NLGN1: variants seen among roughly 807,000 people sequenced by gnomAD.
NLGN1 encodes the protein neuroligin 1.
NLGN1 carries 12 observed loss-of-function variants against 65.5 expected under a neutral mutation model. The observed-to-expected ratio is 0.18, with a 90% CI of 0.12 to 0.30. The LOEUF (loss-of-function observed/expected upper bound fraction) is 0.30, where lower values mean the gene tolerates loss of function less well. NLGN1 is among the 10% of genes least tolerant of loss of function. NLGN1 has a pLI of 1.00. For missense variants in NLGN1, 750 were observed against 1,007.1 expected, an observed-to-expected ratio of 0.74 and a Z score of 3.46; for synonymous variants, 350 against 359.5, an observed-to-expected ratio of 0.97 and a Z score of 0.30.
intron 4 of NLGN1, among the ~76,000 whole-genome samples, chr3:174,031,487 G>T (rs1042411110): frequency 3.3e-5 from 5 of 152,154 alleles, no homozygotes; most frequent in African/African-American, 1.2e-4. Flanking sequence ...AAATAAGAAA[G>T]AGGCAAATTG....
chr3:173,921,808 A>G (rs1742072770), intron 4 of NLGN1, among the ~76,000 whole-genome samples: 1 of 152,134 alleles, frequency 6.6e-6, no homozygotes, highest in South Asian at 2.1e-4. Flanking sequence ...TGAAGAATTA[A>G]GTGGTGTTGA....
intron 4 of NLGN1, among the ~76,000 whole-genome samples, chr3:173,899,751 C>CT (rs1262845573): frequency 1.3e-5 from 2 of 152,068 alleles, no homozygotes; most frequent in Non-Finnish European, 2.9e-5. Flanking sequence ...ATTATATGGC[C>CT]TATGAAGCCT....
chr3:173,754,049 T>TTTTTTTTTTTTTTGTC (rs1776733785), intron 3 of NLGN1, among the ~76,000 whole-genome samples: 1 of 146,196 alleles, frequency 6.8e-6, no homozygotes, highest in Non-Finnish European at 1.5e-5. Context: ...TTTTTTTTTT[T>TTTTTTTTTTTTTTGTC]GTTGTTGTTG....
chr3:174,139,401 T>C (rs1265130831), intron 4 of NLGN1, among the ~76,000 whole-genome samples: 1 of 152,126 alleles, frequency 6.6e-6, no homozygotes, highest in Non-Finnish European at 1.5e-5. Context: ...TTTAACTTAG[T>C]GATATGCATT....
chr3:174,004,942 T>C (rs1724059331), intron 4 of NLGN1, among the ~76,000 whole-genome samples: 1 of 152,158 alleles, frequency 6.6e-6, no homozygotes, highest in Non-Finnish European at 1.5e-5. Flanking sequence ...TATATCTTTA[T>C]TACTTCTGCA....
At chr3:174,190,087 CTGTGCT>C (rs1732115050) in intron 4 of NLGN1, among the ~76,000 whole-genome samples, 1 of 152,020 alleles carries the variant, frequency 6.6e-6, no homozygotes. Context: ...CACTTGAGCA[CTGTGCT>C]ACAATTCAGT....
intron 4 of NLGN1, among the ~76,000 whole-genome samples, chr3:174,185,634 C>A (rs185428385): frequency 6.6e-6 from 1 of 151,822 alleles, no homozygotes; most frequent in Non-Finnish European, 1.5e-5. Flanking sequence ...ATGAATGAAT[C>A]TTAGTATATA....
intron 4 of NLGN1, among the ~76,000 whole-genome samples, chr3:174,112,537 T>C (rs1285786520): frequency 6.6e-6 from 1 of 151,964 alleles, no homozygotes; most frequent in Non-Finnish European, 1.5e-5. Context: ...TATTTGCTAA[T>C]ATCACTGTAT....
intron 4 of NLGN1, among the ~76,000 whole-genome samples, chr3:173,895,331 A>G (rs1736149716): frequency 6.6e-6 from 1 of 152,178 alleles, no homozygotes; most frequent in Non-Finnish European, 1.5e-5. Context: ...TCATGATTTT[A>G]TTACAAAGGC....
At chr3:173,840,201 A>G (rs990678646) in intron 4 of NLGN1, among the ~76,000 whole-genome samples, 3 of 152,208 alleles carry the variant, frequency 2.0e-5, no homozygotes, top group Non-Finnish European at 4.4e-5. Context: ...ATATACTATC[A>G]TTCAAGAAAA....
chr3:174,021,943 A>G (rs1727832058), intron 4 of NLGN1, among the ~76,000 whole-genome samples: 1 of 152,166 alleles, frequency 6.6e-6, no homozygotes, highest in East Asian at 1.9e-4. Flanking sequence ...GTCTGCAGTG[A>G]GACACAGAAG....
intron 4 of NLGN1, among the ~76,000 whole-genome samples, chr3:174,248,175 T>C (rs1481627271): frequency 6.6e-6 from 1 of 152,222 alleles, no homozygotes. Flanking sequence ...AGACCCCATT[T>C]TCACTTGGGA....
At chr3:173,771,462 G>A (rs1359165654) in intron 3 of NLGN1, among the ~76,000 whole-genome samples, 1 of 152,078 alleles carries the variant, frequency 6.6e-6, no homozygotes, top group Non-Finnish European at 1.5e-5. Context: ...AAATTTAGAG[G>A]AAGTAATTTT....
At chr3:173,553,815 C>T (rs980780994) in intron 2 of NLGN1, among the ~76,000 whole-genome samples, 4 of 152,140 alleles carry the variant, frequency 2.6e-5, no homozygotes, top group African/African-American at 9.7e-5. Context: ...CAGAAGGGCT[C>T]TTAGCTATTT....
At chr3:173,847,438 C>G (rs553652756) in intron 4 of NLGN1, among the ~76,000 whole-genome samples, 5 of 152,102 alleles carry the variant, frequency 3.3e-5, no homozygotes, top group Admixed American at 3.3e-4. Flanking sequence ...ATCAAGTGCT[C>G]AATTCTTCAG....
chr3:173,941,508 A>C (rs1746085857), intron 4 of NLGN1, among the ~76,000 whole-genome samples: 1 of 151,912 alleles, frequency 6.6e-6, no homozygotes, highest in South Asian at 2.1e-4. Flanking sequence ...AAACAAGGCA[A>C]TTGACTCAAA....
At chr3:173,757,059 T>C (rs1256305751) in intron 3 of NLGN1, among the ~76,000 whole-genome samples, 2 of 151,990 alleles carry the variant, frequency 1.3e-5, no homozygotes, top group Non-Finnish European at 2.9e-5. Flanking sequence ...AATAATTATC[T>C]AGAGGTGATG....
At chr3:174,170,544 G>T (rs1298170122) in intron 4 of NLGN1, among the ~76,000 whole-genome samples, 3 of 152,170 alleles carry the variant, frequency 2.0e-5, no homozygotes, top group Non-Finnish European at 4.4e-5. Flanking sequence ...CTTAATGAAA[G>T]AAAAGATATG....
chr3:173,780,369 C>T (rs549153467), intron 3 of NLGN1, among the ~76,000 whole-genome samples: 66 of 152,214 alleles, frequency 4.3e-4, no homozygotes, highest in African/African-American at 1.4e-3. Flanking sequence ...TAAAAATGTT[C>T]GTTATGTTCA....
Sources: allele counts gnomAD v4.1 joint callset (sites outside exome capture counted in the v4.1 genomes callset), GRCh38; gene constraint gnomAD v4.1.1; transcripts MANE v1.5; gene names NCBI Gene and HGNC (gene_info 2026-07-23, HGNC 2026-07-21).